UBR1: variants seen among roughly 807,000 people sequenced by gnomAD.
UBR1 encodes ubiquitin protein ligase E3 component n-recognin 1, also known as E3 ubiquitin-protein ligase UBR1.
UBR1 carries 102 observed loss-of-function variants against 242.1 expected under a neutral mutation model. The ratio of observed to expected loss-of-function variants is 0.42; its 90% CI spans 0.36 to 0.50. UBR1 has a LOEUF of 0.50. Ranked by LOEUF, UBR1 falls within the 20% of genes least tolerant of loss-of-function variation. UBR1 has a pLI of 0.01. For missense variants in UBR1, 1,772 were observed against 2,101.8 expected, an observed-to-expected ratio of 0.84 and a Z score of 3.07; for synonymous variants, 675 against 684.8, an observed-to-expected ratio of 0.99 and a Z score of 0.22.
At chr15:42,970,738 T>A (rs2141262762) in intron 39 of UBR1, 131 bp from the exon 40 acceptor site, 1 of 865,762 alleles carries the variant, frequency 1.2e-6, no homozygotes, top group East Asian at 2.8e-5. Flanking sequence ...TTTTTTTTTT[T>A]TGAGACAGAG....
intron 3 of UBR1, among the ~76,000 whole-genome samples, chr15:43,079,550 C>T (rs1006227996): frequency 6.6e-6 from 1 of 151,816 alleles, no homozygotes; most frequent in Non-Finnish European, 1.5e-5. Flanking sequence ...GAGGACGAGG[C>T]GGGTGGATCA....
intron 12 of UBR1, among the ~76,000 whole-genome samples, chr15:43,054,192 C>T (rs2033589703): frequency 6.6e-6 from 1 of 151,738 alleles, no homozygotes; most frequent in African/African-American, 2.4e-5. Flanking sequence ...CTCTACAAAA[C>T]AATAAAAAAT....
intron 3 of UBR1, among the ~76,000 whole-genome samples, chr15:43,077,689 T>A (rs538313106): frequency 0.011 from 1,518 of 143,712 alleles, 17 homozygotes; most frequent in African/African-American, 0.037. Flanking sequence ...AAAATAAAAA[T>A]AAAATAAAAA....
intron 29 of UBR1, among the ~76,000 whole-genome samples, chr15:43,014,144 G>C (rs977218582): frequency 1.3e-5 from 2 of 152,252 alleles, no homozygotes; most frequent in African/African-American, 4.8e-5. Context: ...TCGGCCTCCC[G>C]AGGTGCCGGG....
chr15:43,028,630 A>T (rs2033208714), intron 21 of UBR1, among the ~76,000 whole-genome samples: 1 of 151,530 alleles, frequency 6.6e-6, no homozygotes, highest in African/African-American at 2.4e-5. Context: ...CTGTAGTCCT[A>T]GCTACTCAGG....
intron 3 of UBR1, among the ~76,000 whole-genome samples, chr15:43,076,837 GGCC>G: frequency 9.5e-6 from 1 of 105,016 alleles, no homozygotes; most frequent in African/African-American, 3.4e-5. Flanking sequence ...GCCTCTGCCC[GGCC>G]GCCCCTACTG....
intron 6 of UBR1, among the ~76,000 whole-genome samples, chr15:43,066,977 G>A (rs2033760276): frequency 6.6e-6 from 1 of 152,132 alleles, no homozygotes; most frequent in South Asian, 2.1e-4. Flanking sequence ...AAACTTTGAA[G>A]AATGCCATTC....
intron 4 of UBR1, among the ~76,000 whole-genome samples, chr15:43,073,994 T>G (rs1034338580): frequency 6.6e-6 from 1 of 152,218 alleles, no homozygotes; most frequent in Non-Finnish European, 1.5e-5. Flanking sequence ...AAATAATTCA[T>G]CTGTAAAACT....
intron 1 of UBR1, among the ~76,000 whole-genome samples, chr15:43,089,385 C>T (rs1469311229): frequency 6.6e-6 from 1 of 151,964 alleles, no homozygotes; most frequent in Non-Finnish European, 1.5e-5. Flanking sequence ...GTCCCAGCTA[C>T]TCGGGAGGCT....
At chr15:42,963,876 TA>T in intron 42 of UBR1, 58 bp downstream of exon 42, 1 of 1,348,488 alleles carries the variant, frequency 7.4e-7, no homozygotes, top group South Asian at 1.2e-5. Context: ...CAAGTAATTG[TA>T]ATTTTAAAAT....
At chr15:42,996,483 G>T (rs1567119277) in intron 33 of UBR1, among the ~76,000 whole-genome samples, 1 of 152,124 alleles carries the variant, frequency 6.6e-6, no homozygotes, top group Non-Finnish European at 1.5e-5. Context: ...TGTGGTTCCA[G>T]CTACTTGGGA....
chr15:43,006,977 A>C (rs1450336822), intron 30 of UBR1, 102 bp downstream of exon 30: 1 of 1,063,156 alleles, frequency 9.4e-7, no homozygotes, highest in East Asian at 2.5e-5. Flanking sequence ...GGTATGGTAG[A>C]TATATAACCC....
At chr15:43,012,043 A>G (rs555096435) in intron 29 of UBR1, 39 of 297,038 alleles carry the variant, frequency 1.3e-4, no homozygotes, top group South Asian at 9.3e-4. Context: ...TGGCTAACAC[A>G]GTGAAACCCC....
chr15:43,083,775 G>A (rs1293790727), intron 2 of UBR1, among the ~76,000 whole-genome samples: 1 of 151,974 alleles, frequency 6.6e-6, no homozygotes, highest in African/African-American at 2.4e-5. Context: ...AGGCTTGGTG[G>A]CTCACACCTG....
chr15:43,046,749 A>G (rs553004644), intron 14 of UBR1, among the ~76,000 whole-genome samples: 2 of 152,328 alleles, frequency 1.3e-5, no homozygotes, highest in Admixed American at 6.5e-5. Context: ...ATGGTCTAAA[A>G]TTGCTGCTTA....
chr15:43,030,479 T>G (rs1379065440), intron 20 of UBR1, among the ~76,000 whole-genome samples: 1 of 152,224 alleles, frequency 6.6e-6, no homozygotes, highest in Admixed American at 6.5e-5. Flanking sequence ...TTCAAGATCT[T>G]TCTCAATTTT....
intron 3 of UBR1, among the ~76,000 whole-genome samples, chr15:43,077,890 C>T (rs1016244185): frequency 6.6e-6 from 1 of 152,036 alleles, no homozygotes; most frequent in African/African-American, 2.4e-5. Context: ...TCAAAACTTC[C>T]TCCAAAACAT....
intron 25 of UBR1, among the ~76,000 whole-genome samples, 175 bp downstream of exon 25, chr15:43,024,654 T>C (rs2033155520): frequency 6.6e-6 from 1 of 152,188 alleles, no homozygotes; most frequent in African/African-American, 2.4e-5. Context: ...AGAGTAAGGA[T>C]GCTAAAAACA....
chr15:43,055,508 G>A (rs1283457838), intron 11 of UBR1, among the ~76,000 whole-genome samples: 14 of 151,934 alleles, frequency 9.2e-5, no homozygotes, highest in African/African-American at 2.9e-4. Context: ...AGCACACTAC[G>A]ATCTATTCTG....
Sources: gnomAD v4.1 joint callset for allele counts (sites outside exome capture counted in the v4.1 genomes callset) on GRCh38, gnomAD v4.1.1 for gene constraint, MANE v1.5 for transcripts, NCBI Gene and HGNC (gene_info 2026-07-23, HGNC 2026-07-21) for gene names.